Variants in TKFC observed in about 807,000 individuals in gnomAD.
TKFC encodes the protein triokinase/FMN cyclase.
A neutral mutation model predicts 61.0 loss-of-function variants in TKFC; 46 were observed. The observed-to-expected ratio is 0.75, with a 90% confidence interval of 0.60 to 0.96. The LOEUF is 0.96. TKFC is among the 50% of genes least tolerant of loss of function. The probability of loss-of-function intolerance (pLI) is 0.00; values close to 1 mark genes in which losing one functional copy is unlikely to be tolerated. For synonymous variants in TKFC, 314 were observed against 330.1 expected (o/e 0.95, Z 0.53); for missense variants, 715 against 777.5 (o/e 0.92, Z 0.96).
At chr11:61,350,510 C>A, downstream of TKFC, 1 of 1,530,464 alleles carries the variant, frequency 6.5e-7, no homozygotes, top group Non-Finnish European at 8.9e-7. Flanking sequence ...CCCCAGCCTG[C>A]AGGGTGGTCC....
chr11:61,343,381 C>A lies in TKFC; in HGVS notation c.905C>A (p.Thr302Asn), dbSNP rs990720789. The A allele has an allele frequency of 6.2e-7, 1 of 1,614,170 alleles. No individual in the cohort carries two copies. The highest frequency in any genetic ancestry group is 2.2e-5 in the East Asian group (1 of 44,880). The stretch of plus-strand genomic sequence containing the variant: ...AAGATTGCCCGTGCCCTGGTGGGCA[C>A]CTTCATGTCAGCACTGGAGATGCCT... ...GVKIARALVG[T>N]FMSALEMPGI... The change falls in exon 11 of 18, where the codon ACC becomes AAC. Residue 302 changes from threonine (T) to asparagine (N), a missense_variant. Thr to Asn is a moderately conservative substitution (Grantham distance 65, BLOSUM62 0). Coordinates refer to ENST00000394900, the MANE Select transcript of TKFC (RefSeq NM_015533.4).
downstream of TKFC, chr11:61,349,908 C>T (rs1396832947): frequency 1.7e-5 from 9 of 516,574 alleles, no homozygotes; most frequent in Admixed American, 6.4e-5. Context: ...TCACCTCCCT[C>T]ATGTTTCACA....
intron 13 of TKFC, among the ~76,000 whole-genome samples, chr11:61,344,492 T>C (rs2135049726): frequency 6.6e-6 from 1 of 151,814 alleles, no homozygotes; most frequent in East Asian, 1.9e-4. Context: ...GCCTCCTGAC[T>C]AGCTGAGATA....
chr11:61,337,150 C>CT (rs1166959127), intron 2 of TKFC, among the ~76,000 whole-genome samples: 1 of 152,114 alleles, frequency 6.6e-6, no homozygotes, highest in Non-Finnish European at 1.5e-5. Flanking sequence ...ATTGTTATCT[C>CT]TTTTTTTATT....
At chr11:61,341,963 T>G in intron 7 of TKFC, 51 bp downstream of exon 7, 1 of 1,548,988 alleles carries the variant, frequency 6.5e-7, no homozygotes, top group South Asian at 1.2e-5. Flanking sequence ...GGCCCTGGAC[T>G]TTGCCCACCT....
At chr11:61,343,613 T>C in intron 11 of TKFC, 155 bp downstream of exon 11, 1 of 856,896 alleles carries the variant, frequency 1.2e-6, no homozygotes, top group Non-Finnish European at 1.8e-6. Context: ...CTTCTCCAGC[T>C]CTCACTGGAC....
intron 1 of TKFC, 57 bp from the exon 2 acceptor site, chr11:61,334,563 T>C: frequency 1.2e-6 from 1 of 831,872 alleles, no homozygotes; most frequent in Non-Finnish European, 1.9e-6. Flanking sequence ...GAAGGCGTGA[T>C]TGTGCCAGTC....
downstream of TKFC, chr11:61,350,757 T>TG (rs1301618124): frequency 1.1e-5 from 7 of 614,520 alleles, no homozygotes; most frequent in African/African-American, 5.5e-5. Context: ...CACAGTGATT[T>TG]GGGGGGGAAA....
chr11:61,334,595 C>A, intron 1 of TKFC, 25 bp from the exon 2 acceptor site: 1 of 1,186,392 alleles, frequency 8.4e-7, no homozygotes, highest in Non-Finnish European at 1.2e-6. Context: ...CCTTCCGCAG[C>A]TTGTATCGTT....
At chr11:61,349,776 C>G, downstream of TKFC, 1 of 641,816 alleles carries the variant, frequency 1.6e-6, no homozygotes, top group Non-Finnish European at 2.9e-6. Context: ...GCAATCACCC[C>G]ATGATGTCTC....
At chr11:61,350,124 G>A (rs1590594343), downstream of TKFC, 3 of 578,016 alleles carry the variant, frequency 5.2e-6, no homozygotes, top group East Asian at 2.9e-5. Context: ...AGCCAGAGAA[G>A]GCAGGCCCAG....
At chr11:61,340,702 G>A (rs927086921) in intron 5 of TKFC, among the ~76,000 whole-genome samples, 1 of 152,002 alleles carries the variant, frequency 6.6e-6, no homozygotes, top group Non-Finnish European at 1.5e-5. Flanking sequence ...TACCTGCCAG[G>A]CTATGGATCA....
At chr11:61,338,801 T>C (rs1856723794) in intron 3 of TKFC, among the ~76,000 whole-genome samples, 1 of 152,118 alleles carries the variant, frequency 6.6e-6, no homozygotes, top group African/African-American at 2.4e-5. Context: ...GGGTGCTAAG[T>C]GACTTAGTAA....
intron 2 of TKFC, among the ~76,000 whole-genome samples, chr11:61,336,985 C>T (rs1856633671): frequency 6.6e-6 from 1 of 152,128 alleles, no homozygotes; most frequent in Admixed American, 6.5e-5. Flanking sequence ...TTTCCCTACC[C>T]CGGTCCTGCT....
downstream of TKFC, chr11:61,351,012 C>A: frequency 1.2e-6 from 2 of 1,613,674 alleles, no homozygotes; most frequent in Non-Finnish European, 1.7e-6. Flanking sequence ...TCAGGATCCC[C>A]GGCTCTGGGC....
intron 2 of TKFC, chr11:61,336,520 G>A (rs113634032): frequency 1.3e-5 from 2 of 152,262 alleles, no homozygotes; most frequent in African/African-American, 4.8e-5. Context: ...GAAAAAGGGA[G>A]TAGCTTCATT....
chr11:61,343,768 G>A, intron 11 of TKFC, 88 bp from the exon 12 acceptor site: 2 of 1,528,686 alleles, frequency 1.3e-6, no homozygotes, highest in African/African-American at 1.4e-5. Flanking sequence ...AGAAAGCCAG[G>A]CCACCAGGGT....
downstream of TKFC, chr11:61,350,097 GCAGA>G (rs1177886128): frequency 1.8e-6 from 1 of 559,420 alleles, no homozygotes; most frequent in Non-Finnish European, 3.2e-6. Flanking sequence ...ACCAAGGAAA[GCAGA>G]CAGGCAGCAA....
At chr11:61,341,026 C>T (rs1383276007) in intron 5 of TKFC, among the ~76,000 whole-genome samples, 1 of 151,970 alleles carries the variant, frequency 6.6e-6, no homozygotes, top group African/African-American at 2.4e-5. Context: ...TCCTTTTCAG[C>T]ATATACTAGA....
Sources: gnomAD v4.1 joint callset for allele counts (sites outside exome capture counted in the v4.1 genomes callset) on GRCh38, gnomAD v4.1.1 for gene constraint, MANE v1.5 for transcripts, NCBI Gene and HGNC (gene_info 2026-07-23, HGNC 2026-07-21) for gene names.